PLCE1: variants seen among roughly 807,000 people sequenced by gnomAD.
PLCE1 encodes the protein 1-phosphatidylinositol 4,5-bisphosphate phosphodiesterase epsilon-1.
In PLCE1, 119 loss-of-function variants were observed where a neutral mutation model predicts 242.8. The observed-to-expected ratio is 0.49, with a 90% CI of 0.42 to 0.57. The LOEUF is 0.57. Ranked by LOEUF, PLCE1 falls within the 20% of genes least tolerant of loss-of-function variation. The probability of loss-of-function intolerance (pLI) is 0.00; values close to 1 mark genes in which losing one functional copy is unlikely to be tolerated. For synonymous variants in PLCE1, 945 were observed against 1,017.4 expected, an observed-to-expected ratio of 0.93 and a Z score of 1.35; for missense variants, 2,441 against 2,788.8, an observed-to-expected ratio of 0.88 and a Z score of 2.81.
chr10:94,264,018 T>C (rs576220138), intron 14 of PLCE1, among the ~76,000 whole-genome samples: 11 of 152,132 alleles, frequency 7.2e-5, no homozygotes, highest in Non-Finnish European at 1.6e-4. Flanking sequence ...TTTTAGGAGG[T>C]GGGAATATAG....
intron 2 of PLCE1, among the ~76,000 whole-genome samples, chr10:94,044,646 G>A (rs1310325194): frequency 6.6e-6 from 1 of 152,182 alleles, no homozygotes; most frequent in African/African-American, 2.4e-5. Context: ...TGAGCCTCAT[G>A]GGCACAAAGC....
At chr10:94,202,409 A>C (rs1014531075) in intron 4 of PLCE1, among the ~76,000 whole-genome samples, 1 of 151,982 alleles carries the variant, frequency 6.6e-6, no homozygotes, top group African/African-American at 2.4e-5. Context: ...TTCTGGCAAG[A>C]TGTTTTTACA....
intron 2 of PLCE1, among the ~76,000 whole-genome samples, chr10:94,032,860 A>G (rs1456033856): frequency 6.6e-6 from 1 of 152,148 alleles, no homozygotes; most frequent in Non-Finnish European, 1.5e-5. Flanking sequence ...TAATACATTT[A>G]ATAATAATAT....
chr10:94,207,216 C>T (rs1175700477), intron 4 of PLCE1, among the ~76,000 whole-genome samples: 1 of 152,044 alleles, frequency 6.6e-6, no homozygotes, highest in Admixed American at 6.6e-5. Context: ...GAGCGTGCCC[C>T]CAGCATGCAA....
chr10:94,008,426 A>T (rs928797819), intron 1 of PLCE1, among the ~76,000 whole-genome samples: 4 of 152,050 alleles, frequency 2.6e-5, no homozygotes, highest in African/African-American at 9.7e-5. Context: ...CTTCTGCCTT[A>T]GCCTCCTGAG....
chr10:94,243,613 C>T (rs1156571739), intron 7 of PLCE1, among the ~76,000 whole-genome samples: 2 of 152,120 alleles, frequency 1.3e-5, no homozygotes, highest in Non-Finnish European at 2.9e-5. Flanking sequence ...AAAAGTTTAT[C>T]GAAACAGTGT....
At chr10:94,235,763 G>GA (rs2050300376) in intron 6 of PLCE1, 152 bp from the exon 7 acceptor site, 2 of 1,456,748 alleles carry the variant, frequency 1.4e-6, no homozygotes, top group Non-Finnish European at 1.8e-6. Context: ...GTGGTGAAAT[G>GA]AAAAAATGTT....
chr10:94,088,902 T>A (rs2044948772), intron 2 of PLCE1: 2 of 462,844 alleles, frequency 4.3e-6, no homozygotes. Context: ...CGCAAGGACA[T>A]TTTTTTGTAA....
At chr10:94,129,826 TCTC>T (rs943794826) in intron 2 of PLCE1, among the ~76,000 whole-genome samples, 1 of 152,102 alleles carries the variant, frequency 6.6e-6, no homozygotes, top group African/African-American at 2.4e-5. Context: ...ATGGGTGAAA[TCTC>T]CTTGCTTTAA....
chr10:94,101,013 C>G (rs1387875667), intron 2 of PLCE1, among the ~76,000 whole-genome samples: 1 of 152,126 alleles, frequency 6.6e-6, no homozygotes, highest in East Asian at 1.9e-4. Flanking sequence ...AGGAGTGAGT[C>G]CATGATGGAT....
chr10:94,223,836 A>AT (rs1273593769), intron 4 of PLCE1, among the ~76,000 whole-genome samples: 1 of 151,986 alleles, frequency 6.6e-6, no homozygotes, highest in Non-Finnish European at 1.5e-5. Flanking sequence ...TATTTATATG[A>AT]TTTTTTTGTT....
chr10:94,088,992 C>T (rs2044953138), intron 2 of PLCE1: 4 of 1,312,494 alleles, frequency 3.0e-6, no homozygotes, highest in East Asian at 2.4e-5. Flanking sequence ...CTGGGTATTA[C>T]ATCATTTCAT....
At position 94,236,003 on chromosome 10, in the gene PLCE1, A is replaced by G; in HGVS notation, c.2303A>G (p.Asn768Ser). 6.2e-7 allele frequency: 1 copy of G among 1,614,082 alleles called. No homozygotes were observed. ...LKNSEKESTV[N>S]SIFQVIRSCN... ...AATTCGGAGAAGGAGTCCACTGTCA[A>G]CAGCATCTTTCAGGTCATCCGGAGC... The change falls in exon 7 of 33, where the codon AAC becomes AGC. Residue 768 changes from asparagine (N) to serine (S), a missense_variant. This residue lies in a region of PLCE1 where 733 missense variants were observed against 754.2 expected (regional missense o/e 0.97). Transcript: ENST00000371380.
chr10:94,298,313 G>A lies in PLCE1; in HGVS notation c.5168-66G>A. The A allele has an allele frequency of 7.0e-7, 1 of 1,432,986 alleles. No individual in the cohort carries two copies. Among genetic ancestry groups the A allele is most frequent in the Non-Finnish European group, 9.8e-7 (1 of 1,016,684 alleles). The allele number at this position is 1,432,986 out of a possible 1,614,324, so 88.8% of individuals were successfully genotyped here. On this transcript the variant is annotated intron_variant, in intron 23 of 32. Transcript: ENST00000371380. The surrounding 1 kb of genome is among the most constrained non-coding windows in gnomAD (Gnocchi z 5.2). The stretch of plus-strand genomic sequence containing the variant: ...GACTGTTTACTGGGATGTTGTTCAG[G>A]TTTATCTTTCTAAAATATTTAAAGT...
chr10:94,136,959 G>A (rs11187793), intron 3 of PLCE1, among the ~76,000 whole-genome samples: 60,079 of 152,014 alleles, frequency 0.4, 12,998 homozygotes, highest in East Asian at 0.55. Context: ...TTGGTAGGCC[G>A]AGGCGGGCAG....
intron 27 of PLCE1, among the ~76,000 whole-genome samples, chr10:94,310,668 T>A (rs2053359707): frequency 6.6e-6 from 1 of 152,178 alleles, no homozygotes; most frequent in Non-Finnish European, 1.5e-5. Context: ...AATTCTGAGC[T>A]GGGTGACCTC....
chr10:94,201,305 C>T (rs139180598), intron 4 of PLCE1, among the ~76,000 whole-genome samples: 1 of 152,260 alleles, frequency 6.6e-6, no homozygotes, highest in Non-Finnish European at 1.5e-5. Context: ...GCAGTCCCTA[C>T]CCTACCACTC....
chr10:94,148,122 T>C (rs1041945757), intron 3 of PLCE1, among the ~76,000 whole-genome samples: 5 of 152,156 alleles, frequency 3.3e-5, no homozygotes, highest in African/African-American at 9.7e-5. Context: ...ACCTGTAAAA[T>C]AGGACAATGC....
chr10:94,216,348 C>T (rs984463510), intron 4 of PLCE1, among the ~76,000 whole-genome samples: 2 of 152,154 alleles, frequency 1.3e-5, no homozygotes, highest in Non-Finnish European at 2.9e-5. Context: ...CTTGGGATGC[C>T]ACCACCTCCT....
Sources: gnomAD v4.1 joint callset for allele counts (sites outside exome capture counted in the v4.1 genomes callset) on GRCh38, gnomAD v4.1.1 for gene constraint, gnomAD v4.1.1 regional missense constraint, Gnocchi (gnomAD v3.1) non-coding constraint, MANE v1.5 for transcripts, NCBI Gene and HGNC (gene_info 2026-07-23, HGNC 2026-07-21) for gene names.